Variants in DLG2 observed in about 807,000 individuals in gnomAD.
DLG2 encodes the protein discs large MAGUK scaffold protein 2, also known as disks large homolog 2.
Under a neutral mutation model 132.5 loss-of-function variants are expected in DLG2, and 45 were observed. That is an observed-to-expected ratio of 0.34 (90% confidence interval 0.27 to 0.44). The LOEUF is 0.44. DLG2 is among the 20% of genes least tolerant of loss of function. The probability of loss-of-function intolerance (pLI) is 1.00; values close to 1 mark genes in which losing one functional copy is unlikely to be tolerated. For missense variants in DLG2, 1,045 were observed against 1,196.9 expected, an observed-to-expected ratio of 0.87 and a Z score of 1.87; for synonymous variants, 424 against 419.6, an observed-to-expected ratio of 1.01 and a Z score of -0.13.
intron 2 of DLG2, among the ~76,000 whole-genome samples, chr11:85,620,079 A>G (rs1205155772): frequency 1.3e-5 from 2 of 152,232 alleles, no homozygotes; most frequent in African/African-American, 4.8e-5. Context: ...AATTTTCCAC[A>G]GGATATATTC....
intron 6 of DLG2, among the ~76,000 whole-genome samples, chr11:84,886,027 T>C (rs1212544690): frequency 6.6e-6 from 1 of 152,108 alleles, no homozygotes; most frequent in Non-Finnish European, 1.5e-5. Flanking sequence ...AGGGATCTTG[T>C]TTCCATGGGG....
At chr11:83,657,397 C>A (rs2072831701) in intron 18 of DLG2, among the ~76,000 whole-genome samples, 1 of 152,170 alleles carries the variant, frequency 6.6e-6, no homozygotes, top group Admixed American at 6.5e-5. Context: ...ACTTCTGGCA[C>A]TAACATTTTC....
chr11:84,178,428 G>T (rs1236807350), intron 8 of DLG2, among the ~76,000 whole-genome samples: 1 of 152,092 alleles, frequency 6.6e-6, no homozygotes, highest in African/African-American at 2.4e-5. Context: ...ATGAAAGGTC[G>T]TGAGTATCCT....
chr11:84,975,799 T>C (rs2054817716), intron 6 of DLG2, among the ~76,000 whole-genome samples: 1 of 152,200 alleles, frequency 6.6e-6, no homozygotes, highest in African/African-American at 2.4e-5. Flanking sequence ...CCTCTCCTGG[T>C]CCTCCAGCTT....
intron 19 of DLG2, among the ~76,000 whole-genome samples, chr11:83,583,456 G>C (rs1373355419): frequency 1.3e-5 from 2 of 152,152 alleles, no homozygotes; most frequent in Admixed American, 6.5e-5. Context: ...TCTGAGAAAT[G>C]GATTCTAGAC....
At position 83,520,145 on chromosome 11, in the gene DLG2, C is replaced by T. The variant is rs577673882; in HGVS notation, c.2193+12563G>A. Among the ~76,000 whole-genome samples, 8 of 152,294 alleles carry T rather than the reference C, an allele frequency of 5.3e-5. No homozygotes were observed. In the East Asian group the frequency reaches 1.5e-3, roughly 29 times the overall value. ...ACAAATGTTCATGAAGTTGTCAAAA[C>T]ATAAAAGGCGAATGGCATATCTGCA... On this transcript the variant is annotated intron_variant, in intron 21 of 27. Transcript: ENST00000376104.
intron 18 of DLG2, among the ~76,000 whole-genome samples, chr11:83,739,423 T>G (rs1470795155): frequency 2.0e-5 from 3 of 152,118 alleles, no homozygotes; most frequent in Non-Finnish European, 4.4e-5. Flanking sequence ...ACATTAAGCA[T>G]ACTCAAGACA....
At chr11:83,562,860 C>A (rs2096635558) in intron 19 of DLG2, among the ~76,000 whole-genome samples, 1 of 151,646 alleles carries the variant, frequency 6.6e-6, no homozygotes, top group African/African-American at 2.4e-5. Flanking sequence ...CTTTACATTT[C>A]TTGAGCGCCT....
chr11:83,756,128 C>T (rs113129148), intron 18 of DLG2, among the ~76,000 whole-genome samples: 1,575 of 151,218 alleles, frequency 0.01, 91 homozygotes, highest in African/African-American at 0.035. Context: ...GGAGAGGCAC[C>T]ACACCCTCAG....
In DLG2 at chr11:84,265,695, TA is replaced by T. The variant is rs776691865; in HGVS notation, c.520-14405del. On this transcript the variant is annotated intron_variant, in intron 7 of 27. Coordinates refer to ENST00000376104, the MANE Select transcript of DLG2 (RefSeq NM_001142699.3). ...GATAAATAAATATAAGGAAGATAGG[TA>T]GTAGTAGTAGTAGTAGAGGTAGTCT... 2.2e-3 allele frequency among the ~76,000 whole-genome samples: 333 copies of T among 151,860 alleles called. 1 individual carries two copies. The highest frequency in any genetic ancestry group is 8.4e-3 in the Admixed American group (128 of 15,220).
chr11:84,484,948 A>G (rs2099147104), intron 7 of DLG2, among the ~76,000 whole-genome samples: 1 of 152,172 alleles, frequency 6.6e-6, no homozygotes, highest in Non-Finnish European at 1.5e-5. Context: ...TACATCTACT[A>G]TACACCAGAC....
At chr11:84,693,922 A>T (rs1467309638) in intron 6 of DLG2, among the ~76,000 whole-genome samples, 1 of 151,612 alleles carries the variant, frequency 6.6e-6, no homozygotes, top group African/African-American at 2.4e-5. Flanking sequence ...CCAAACTGGA[A>T]ATTCAGATGA....
chr11:83,831,319 C>G (rs1318314950), intron 17 of DLG2, among the ~76,000 whole-genome samples: 1 of 152,218 alleles, frequency 6.6e-6, no homozygotes, highest in Non-Finnish European at 1.5e-5. Flanking sequence ...GATGGCAGAA[C>G]AAGGTCCTGG....
chr11:83,817,362 G>A (rs948899660), intron 17 of DLG2, among the ~76,000 whole-genome samples: 9 of 152,020 alleles, frequency 5.9e-5, no homozygotes, highest in Non-Finnish European at 1.0e-4. Context: ...AGAAGAAGGT[G>A]GGGTGGGGAA....
intron 3 of DLG2, among the ~76,000 whole-genome samples, chr11:85,511,050 T>A (rs1397994356): frequency 1.3e-5 from 2 of 151,954 alleles, no homozygotes; most frequent in African/African-American, 4.8e-5. Context: ...CCATAAAAAA[T>A]GATGAGTTCA....
At chr11:83,833,197 G>A (rs2055061522) in intron 17 of DLG2, among the ~76,000 whole-genome samples, 2 of 152,186 alleles carry the variant, frequency 1.3e-5, no homozygotes, top group African/African-American at 4.8e-5. Flanking sequence ...CAGCACTTTG[G>A]GAGGCTGAGG....
Position 85,007,008 on chromosome 11 carries a change from CTTGAT to C in DLG2, c.357+104648_357+104652del, listed in dbSNP as rs574697624. Among the ~76,000 whole-genome samples the C allele has an allele frequency of 9.0e-3, 1,365 of 152,244 alleles. 10 individuals are homozygous for C. Among genetic ancestry groups the C allele is most frequent in the Middle Eastern group, 0.031 (9 of 294 alleles). On this transcript the variant is annotated intron_variant, in intron 6 of 27. Coordinates refer to ENST00000376104, the MANE Select transcript of DLG2 (RefSeq NM_001142699.3). ...TAAGTTTCTTTCTACTTTTTGAGAA[CTTGAT>C]TTATTTTCAATAATTAAAGAATTTA... is the stretch of plus-strand genomic sequence containing the variant.
At position 85,569,227 on chromosome 11, in the gene DLG2, T is replaced by G. The variant is rs571065871; in HGVS notation, c.40+29430A>C. Among the ~76,000 whole-genome samples the G allele has an allele frequency of 9.8e-5, 15 of 152,298 alleles. No individual in the cohort carries two copies. The East Asian group carries it at 2.1e-3, about 22-fold the overall frequency. ...TTGTATTTTTAGTAGAGACGAGGTTTTGCCATGTTGGCCAGGCTGGCCTCA... is the reference window on the plus strand; with the variant it reads ...TTGTATTTTTAGTAGAGACGAGGTTGTGCCATGTTGGCCAGGCTGGCCTCA... On this transcript the variant is annotated intron_variant, in intron 3 of 27. Coordinates refer to ENST00000376104, the MANE Select transcript of DLG2 (RefSeq NM_001142699.3).
intron 9 of DLG2, among the ~76,000 whole-genome samples, chr11:84,162,931 G>T (rs1184272247): frequency 2.6e-5 from 4 of 152,012 alleles, no homozygotes; most frequent in Non-Finnish European, 5.9e-5. Context: ...ATATATTAGG[G>T]TTGTGTTGCA....
Sources: gnomAD v4.1 joint callset for allele counts (sites outside exome capture counted in the v4.1 genomes callset) on GRCh38, gnomAD v4.1.1 for gene constraint, MANE v1.5 for transcripts, NCBI Gene and HGNC (gene_info 2026-07-23, HGNC 2026-07-21) for gene names.